Variants in KDM6A observed in about 807,000 individuals in gnomAD.
KDM6A encodes the protein lysine demethylase 6A, also known as lysine-specific demethylase 6A.
Under a neutral mutation model 117.6 loss-of-function variants are expected in KDM6A, and 11 were observed. The ratio of observed to expected loss-of-function variants is 0.09; its 90% confidence interval spans 0.06 to 0.15. KDM6A has a LOEUF of 0.15. KDM6A is among the 10% of genes least tolerant of loss of function. The pLI is 1.00. For synonymous variants in KDM6A, 384 were observed against 396.1 expected, an observed-to-expected ratio of 0.97 and a Z score of 0.36; for missense variants, 799 against 1,077.3, an observed-to-expected ratio of 0.74 and a Z score of 3.62.
At position 45,060,150 on chromosome X, in the gene KDM6A, A is replaced by G. The variant is rs2044235564; in HGVS notation, c.1323A>G (p.Ala441=). ...CCAGGCAGGGTGCCATGAACACAGC[A>G]CAGCAGGTGAGAAGTTGGGTTATGT... ...LTSRQGAMNT[A]QQACKPHHPN... Residue 441 remains alanine, a synonymous_variant, in exon 13 of 30, where the codon GCA becomes GCG. Coordinates refer to ENST00000611820, the MANE Select transcript of KDM6A (RefSeq NM_001291415.2). 1 of 1,210,038 alleles carries G rather than the reference A, an allele frequency of 8.3e-7. No homozygotes were observed. The highest frequency in any genetic ancestry group is 1.7e-5 in the African/African-American group (1 of 57,268).
At chrX:45,067,653 G>GTTTTTTTTTTTTTTTTTTT (rs1192862756) in intron 17 of KDM6A, among the ~76,000 whole-genome samples, 1 of 83,304 alleles carries the variant, frequency 1.2e-5, no homozygotes, top group African/African-American at 4.7e-5. Context: ...TCTTTTTTTT[G>GTTTTTTTTTTTTTTTTTTT]TTTTTTTTTT....
intron 2 of KDM6A, among the ~76,000 whole-genome samples, chrX:44,926,875 A>G (rs1360824473): frequency 1.8e-5 from 2 of 111,450 alleles, no homozygotes; most frequent in African/African-American, 6.5e-5. Flanking sequence ...GTAATGAAAC[A>G]TGTGGACTCT....
chrX:45,021,724 C>T (rs2042176882), intron 6 of KDM6A, among the ~76,000 whole-genome samples: 1 of 111,771 alleles, frequency 8.9e-6, no homozygotes, highest in South Asian at 3.7e-4. Flanking sequence ...GAGGGAGGTA[C>T]AACCAAAAAC....
chrX:45,019,860 G>A (rs2042103957), intron 5 of KDM6A, among the ~76,000 whole-genome samples: 2 of 111,778 alleles, frequency 1.8e-5, no homozygotes, highest in South Asian at 3.7e-4. Context: ...TCAATGAAAA[G>A]TGTTTCTTTC....
chrX:45,002,867 C>G (rs904234137), intron 4 of KDM6A, among the ~76,000 whole-genome samples: 2 of 69,956 alleles, frequency 2.9e-5, no homozygotes, highest in Admixed American at 3.7e-4. Context: ...CCCCGCCCCC[C>G]CCCCCCTTTT....
At position 44,875,985 on chromosome X, in the gene KDM6A, T is replaced by C. The variant is rs2031494319; in HGVS notation, c.225+1998T>C. Among the ~76,000 whole-genome samples, 3 of 112,140 alleles carry C rather than the reference T, an allele frequency of 2.7e-5. 1 individual carries two copies. In the Admixed American group the frequency reaches 2.8e-4, roughly 11 times the overall value. ...AAAAGTAACCATTTTCAAATATTCT[T>C]GGCAAGTTGTGCATTACTTGATGTT... On this transcript the variant is annotated intron_variant, in intron 2 of 29. Transcript: ENST00000611820.
intron 10 of KDM6A, among the ~76,000 whole-genome samples, chrX:45,058,577 A>T (rs1442062801): frequency 9.0e-6 from 1 of 110,974 alleles, no homozygotes; most frequent in Non-Finnish European, 1.9e-5. Flanking sequence ...TTGAAATCTG[A>T]TACAGCAAAT....
intron 2 of KDM6A, among the ~76,000 whole-genome samples, chrX:44,896,787 T>A (rs2033901890): frequency 9.0e-6 from 1 of 110,820 alleles, no homozygotes; most frequent in Non-Finnish European, 1.9e-5. Context: ...CTTTAAGTAC[T>A]TGACAAGTGT....
chrX:44,920,019 A>G (rs138744643), intron 2 of KDM6A, among the ~76,000 whole-genome samples: 42 of 112,650 alleles, frequency 3.7e-4, no homozygotes, highest in African/African-American at 1.2e-3. Flanking sequence ...TTCAGGAAAC[A>G]TACTTTGTAT....
chrX:45,011,759 T>G (rs2041766697), intron 5 of KDM6A, among the ~76,000 whole-genome samples: 1 of 111,253 alleles, frequency 9.0e-6, no homozygotes, highest in South Asian at 3.7e-4. Context: ...CTCTTTAGTT[T>G]GTTTATTTAT....
chrX:45,104,024 CTT>C (rs761228898), intron 27 of KDM6A, among the ~76,000 whole-genome samples: 8 of 94,559 alleles, frequency 8.5e-5, no homozygotes, highest in Admixed American at 1.1e-4. Context: ...AAATTGAATT[CTT>C]TTTTTTTTTT....
chrX:44,944,716 GTTCA>G (rs202163766), intron 2 of KDM6A, among the ~76,000 whole-genome samples: 8,044 of 111,381 alleles, frequency 0.072, 641 homozygotes, highest in African/African-American at 0.24. Context: ...TCTTCCAATT[GTTCA>G]TTGTTAGTTT....
intron 4 of KDM6A, among the ~76,000 whole-genome samples, chrX:44,993,067 A>C (rs1026274795): frequency 9.0e-6 from 1 of 111,728 alleles, no homozygotes; most frequent in African/African-American, 3.3e-5. Context: ...CTGACTAAAA[A>C]CTTTTCATTG....
At chrX:44,948,587 T>C (rs2037803152) in intron 2 of KDM6A, among the ~76,000 whole-genome samples, 1 of 111,883 alleles carries the variant, frequency 8.9e-6, no homozygotes, top group African/African-American at 3.3e-5. Flanking sequence ...ACTTATGTAC[T>C]GTGAAGGAAA....
At chrX:44,910,973 C>T (rs1392058325) in intron 2 of KDM6A, among the ~76,000 whole-genome samples, 3 of 112,816 alleles carry the variant, frequency 2.7e-5, no homozygotes, top group South Asian at 7.1e-4. Flanking sequence ...TCGACAAAAC[C>T]GCCATCGTCA....
At chrX:44,927,128 T>C (rs1245012235) in intron 2 of KDM6A, among the ~76,000 whole-genome samples, 1 of 111,386 alleles carries the variant, frequency 9.0e-6, no homozygotes, top group Non-Finnish European at 1.9e-5. Context: ...TGGCCAGTAA[T>C]GTTTCTTTTT....
chrX:44,880,359 C>T (rs956924134), intron 2 of KDM6A, among the ~76,000 whole-genome samples: 1 of 109,026 alleles, frequency 9.2e-6, no homozygotes, highest in African/African-American at 3.4e-5. Flanking sequence ...TGGAAGGACA[C>T]TCAGGATGAC....
intron 3 of KDM6A, among the ~76,000 whole-genome samples, chrX:44,963,563 C>T (rs2038844979): frequency 9.3e-6 from 1 of 107,864 alleles, no homozygotes; most frequent in African/African-American, 3.4e-5. Flanking sequence ...ACTTTCTTTG[C>T]TCATCTATAA....
intron 2 of KDM6A, among the ~76,000 whole-genome samples, chrX:44,905,872 T>C (rs894157463): frequency 8.9e-6 from 1 of 112,455 alleles, no homozygotes; most frequent in Non-Finnish European, 1.9e-5. Context: ...TAAAAACAAG[T>C]TTATGACTTT....
Sources: gnomAD v4.1 joint callset for allele counts (sites outside exome capture counted in the v4.1 genomes callset) on GRCh38, gnomAD v4.1.1 for gene constraint, MANE v1.5 for transcripts, NCBI Gene and HGNC (gene_info 2026-07-23, HGNC 2026-07-21) for gene names.